The following SNTB1 variants were observed in gnomAD, a reference collection of about 807,000 sequenced individuals.
SNTB1 encodes beta-1-syntrophin.
A neutral mutation model predicts 48.9 loss-of-function variants in SNTB1; 36 were observed. The observed-to-expected ratio is 0.74, with a 90% CI of 0.56 to 0.97. The LOEUF (loss-of-function observed/expected upper bound fraction) is 0.97. SNTB1 is among the 50% of genes least tolerant of loss of function. The pLI is 0.00. For missense variants in SNTB1, 786 were observed against 703.4 expected, an observed-to-expected ratio of 1.12 and a Z score of -1.33; for synonymous variants, 299 against 294.6, an observed-to-expected ratio of 1.01 and a Z score of -0.15.
intron 4 of SNTB1, among the ~76,000 whole-genome samples, chr8:120,552,159 C>T: frequency 6.6e-6 from 1 of 152,138 alleles, no homozygotes; most frequent in Non-Finnish European, 1.5e-5. Flanking sequence ...ATTTATTTTT[C>T]TCCAGAGAGA....
At chr8:120,729,932 A>G (rs547397683) in intron 1 of SNTB1, among the ~76,000 whole-genome samples, 1 of 151,796 alleles carries the variant, frequency 6.6e-6, no homozygotes, top group Admixed American at 6.6e-5. Context: ...TAAAGCCACC[A>G]TGCACATGAC....
At chr8:120,645,783 T>C (rs1262760558) in intron 2 of SNTB1, among the ~76,000 whole-genome samples, 21 of 103,248 alleles carry the variant, frequency 2.0e-4, no homozygotes, top group Non-Finnish European at 3.7e-4. Flanking sequence ...ATATTGATTC[T>C]TCCTACCCAT....
chr8:120,603,165 C>T (rs550074592), intron 3 of SNTB1, among the ~76,000 whole-genome samples: 73 of 151,778 alleles, frequency 4.8e-4, no homozygotes, highest in African/African-American at 1.2e-3. Flanking sequence ...TGCAGTGGCG[C>T]GATCTTGGCT....
chr8:120,685,359 G>A (rs117452202), intron 2 of SNTB1, among the ~76,000 whole-genome samples: 1 of 152,352 alleles, frequency 6.6e-6, no homozygotes, highest in Non-Finnish European at 1.5e-5. Flanking sequence ...AAATCTAGGT[G>A]GAGATAGCCA....
intron 1 of SNTB1, among the ~76,000 whole-genome samples, chr8:120,798,083 G>A (rs956936496): frequency 1.3e-5 from 2 of 151,966 alleles, no homozygotes; most frequent in African/African-American, 4.8e-5. Context: ...TCTTCTATAT[G>A]GCAACAAGAT....
chr8:120,686,440 G>T (rs1250683876), intron 2 of SNTB1, among the ~76,000 whole-genome samples: 1 of 152,160 alleles, frequency 6.6e-6, no homozygotes, highest in Non-Finnish European at 1.5e-5. Flanking sequence ...GTCCTTGCAT[G>T]GTCTAAGGGG....
At chr8:120,620,014 T>C (rs888899325) in intron 3 of SNTB1, among the ~76,000 whole-genome samples, 1 of 152,202 alleles carries the variant, frequency 6.6e-6, no homozygotes, top group Admixed American at 6.5e-5. Context: ...AGCCATTTGG[T>C]AAATCAATAT....
In SNTB1 at chr8:120,811,301, C is replaced by T. The variant is rs1378704500; in HGVS notation, c.543G>A (p.Lys181=). 1 of 1,607,156 alleles carries T rather than the reference C, an allele frequency of 6.2e-7. No individual in the cohort carries two copies. The highest frequency in any genetic ancestry group is 8.5e-7 in the Non-Finnish European group (1 of 1,179,260). The stretch of plus-strand genomic sequence containing the variant: ...CCAGCAGCACTTCCTTGCCCGCGCG[C>T]TTCAACGCCTGCACCGCCTCGTCGT... The part of the protein sequence containing the change: ...ATHDEAVQAL[K]RAGKEVLLEV... Residue 181 remains lysine, a synonymous_variant, in exon 1 of 7, where the codon AAG becomes AAA. Coordinates refer to ENST00000517992, the MANE Select transcript of SNTB1 (RefSeq NM_021021.4).
Position 120,708,885 on chromosome 8 carries a change from A to G in SNTB1, c.572-14977T>C, listed in dbSNP as rs1212422737. The stretch of plus-strand genomic sequence containing the variant: ...GACATCAAGCATTCTGAATAAGGAA[A>G]TGCTGTAAGCATCTCCTTGAAAATC... On this transcript the variant is annotated intron_variant, in intron 1 of 6. Coordinates refer to ENST00000517992, the MANE Select transcript of SNTB1 (RefSeq NM_021021.4). 4.6e-5 allele frequency among the ~76,000 whole-genome samples: 7 copies of G among 152,200 alleles called. No homozygotes were observed. In the East Asian group the frequency reaches 1.3e-3, roughly 29 times the overall value.
intron 2 of SNTB1, among the ~76,000 whole-genome samples, chr8:120,678,421 C>A (rs1424879355): frequency 6.6e-6 from 1 of 152,142 alleles, no homozygotes; most frequent in Non-Finnish European, 1.5e-5. Flanking sequence ...GAATGTCCAA[C>A]CCTATTTCAG....
At position 120,811,543 on chromosome 8, in the gene SNTB1, G is replaced by A. The variant is rs1223346947; in HGVS notation, c.301C>T (p.Gln101Ter). ...VRTAFTDLPE[Q>*]VPESISNQKR... ...TGGTTCGAGATGGACTCGGGCACCT[G>A]CTCGGGCAGGTCGGTGAAAGCGGTG... The change falls in exon 1 of 7, where the codon CAG becomes TAG. Residue 101 changes from glutamine to a stop codon, truncating the protein, a stop_gained. Coordinates refer to ENST00000517992, the MANE Select transcript of SNTB1 (RefSeq NM_021021.4). LOFTEE classifies it high-confidence loss of function. The A allele has an allele frequency of 6.2e-7, 1 of 1,604,942 alleles. No homozygotes were observed. Among genetic ancestry groups the A allele is most frequent in the Non-Finnish European group, 8.5e-7 (1 of 1,175,776 alleles).
At chr8:120,652,846 T>A (rs1328395005) in intron 2 of SNTB1, among the ~76,000 whole-genome samples, 2 of 152,226 alleles carry the variant, frequency 1.3e-5, no homozygotes, top group Non-Finnish European at 2.9e-5. Context: ...GGGAAAAAAC[T>A]ACATTAGTGA....
intron 1 of SNTB1, among the ~76,000 whole-genome samples, chr8:120,745,431 G>A (rs1179058636): frequency 6.6e-6 from 1 of 152,040 alleles, no homozygotes; most frequent in African/African-American, 2.4e-5. Context: ...GCATTCCCCA[G>A]GGGACTTCTG....
At chr8:120,606,110 G>T (rs1166016979) in intron 3 of SNTB1, among the ~76,000 whole-genome samples, 1 of 151,198 alleles carries the variant, frequency 6.6e-6, no homozygotes, top group Non-Finnish European at 1.5e-5. Flanking sequence ...GCTTTGCAGT[G>T]CTTTATGCAA....
intron 3 of SNTB1, among the ~76,000 whole-genome samples, chr8:120,587,306 T>G (rs1055992018): frequency 3.3e-5 from 5 of 152,114 alleles, no homozygotes; most frequent in African/African-American, 1.2e-4. Context: ...GGGAGGAAAT[T>G]TGTATGTGGC....
chr8:120,692,120 T>C (rs1327970168), intron 2 of SNTB1, among the ~76,000 whole-genome samples: 1 of 152,148 alleles, frequency 6.6e-6, no homozygotes, highest in Non-Finnish European at 1.5e-5. Flanking sequence ...GGCCAATCCC[T>C]GTACAGAAAT....
chr8:120,785,542 A>G (rs998561705), intron 1 of SNTB1, among the ~76,000 whole-genome samples: 1 of 152,226 alleles, frequency 6.6e-6, no homozygotes, highest in East Asian at 1.9e-4. Context: ...CAGCAGCCTG[A>G]GAACTGCCCT....
At chr8:120,638,627 A>G (rs1333441863) in intron 2 of SNTB1, among the ~76,000 whole-genome samples, 1 of 151,934 alleles carries the variant, frequency 6.6e-6, no homozygotes, top group East Asian at 1.9e-4. Context: ...TTATTGTTCA[A>G]TTCCCACCTA....
At chr8:120,706,483 T>C (rs925799974) in intron 1 of SNTB1, among the ~76,000 whole-genome samples, 3 of 152,190 alleles carry the variant, frequency 2.0e-5, no homozygotes, top group African/African-American at 2.4e-5. Context: ...CAGATATTAA[T>C]AAGTACTGAG....
Sources: allele counts gnomAD v4.1 joint callset (sites outside exome capture counted in the v4.1 genomes callset), GRCh38; gene constraint gnomAD v4.1.1; transcripts MANE v1.5; gene names NCBI Gene and HGNC (gene_info 2026-07-23, HGNC 2026-07-21).